The following GPHN variants were observed in gnomAD, a reference collection of about 807,000 sequenced individuals.
GPHN encodes the protein gephyrin.
Under a neutral mutation model 95.5 loss-of-function variants are expected in GPHN, and 17 were observed. The ratio of observed to expected loss-of-function variants is 0.18; its 90% CI spans 0.12 to 0.27. GPHN has a LOEUF of 0.27. GPHN is among the 10% of genes least tolerant of loss of function. The pLI is 1.00. For missense variants in GPHN, 660 were observed against 978.1 expected, an observed-to-expected ratio of 0.67 and a Z score of 4.34; for synonymous variants, 320 against 322.5, an observed-to-expected ratio of 0.99 and a Z score of 0.08.
chr14:67,102,021 GC>G (rs2077730352), intron 13 of GPHN, among the ~76,000 whole-genome samples: 1 of 151,870 alleles, frequency 6.6e-6, no homozygotes, highest in South Asian at 2.1e-4. Flanking sequence ...ACAGGCACCC[GC>G]CACCACGCCC....
chr14:67,277,268 A>C, the GPHN span, among the ~76,000 whole-genome samples: 1 of 150,914 alleles, frequency 6.6e-6, no homozygotes, highest in Non-Finnish European at 1.5e-5. Flanking sequence ...GAAAGAAGTC[A>C]AAATTTGGAT....
intron 2 of GPHN, among the ~76,000 whole-genome samples, chr14:66,713,893 C>A (rs1690189716): frequency 2.0e-5 from 3 of 152,128 alleles, no homozygotes; most frequent in African/African-American, 7.2e-5. Context: ...CTCCTCCTCC[C>A]AAGTAGCTGG....
the GPHN span, among the ~76,000 whole-genome samples, chr14:67,421,866 G>A: frequency 1.3e-5 from 2 of 152,244 alleles, no homozygotes; most frequent in South Asian, 4.1e-4. Flanking sequence ...CTGTTAGGCT[G>A]TCCATCTCCC....
the GPHN span, among the ~76,000 whole-genome samples, chr14:67,531,589 G>A: frequency 1.3e-5 from 2 of 151,790 alleles, no homozygotes; most frequent in Non-Finnish European, 2.9e-5. Flanking sequence ...TCCATGGTGC[G>A]TCTCTTTTCA....
chr14:67,674,351 C>G, the GPHN span: 13 of 1,564,250 alleles, frequency 8.3e-6, no homozygotes, highest in South Asian at 1.5e-4. Flanking sequence ...GCGCTCCCCA[C>G]GGCGTGGCCC....
intron 21 of GPHN, among the ~76,000 whole-genome samples, chr14:67,174,909 C>G (rs2082836325): frequency 6.6e-6 from 1 of 152,124 alleles, no homozygotes; most frequent in African/African-American, 2.4e-5. Flanking sequence ...ATATCCTTTG[C>G]CCACTTTTTG....
At chr14:67,506,919 G>T in the GPHN span, among the ~76,000 whole-genome samples, 13 of 152,202 alleles carry the variant, frequency 8.5e-5, no homozygotes, top group Non-Finnish European at 1.5e-5. Flanking sequence ...AGGAGGCAAA[G>T]GTTGCAGTGA....
At chr14:67,726,563 G>C in the GPHN span, among the ~76,000 whole-genome samples, 2 of 152,178 alleles carry the variant, frequency 1.3e-5, no homozygotes, top group African/African-American at 4.8e-5. Flanking sequence ...TACGAGGCAG[G>C]GTGGGGTTCA....
the GPHN span, among the ~76,000 whole-genome samples, chr14:67,203,899 A>G: frequency 1.3e-5 from 2 of 152,168 alleles, no homozygotes; most frequent in Non-Finnish European, 2.9e-5. Context: ...TTCAGTAGAG[A>G]CAGAGTTTCA....
chr14:67,493,566 C>T, the GPHN span, among the ~76,000 whole-genome samples: 129 of 152,286 alleles, frequency 8.5e-4, no homozygotes, highest in African/African-American at 3.0e-3. Flanking sequence ...GTGCTGGTTT[C>T]ACTTTGCGAC....
intron 1 of GPHN, among the ~76,000 whole-genome samples, chr14:66,517,202 A>G (rs796579560): frequency 2.6e-5 from 4 of 151,906 alleles, no homozygotes; most frequent in Non-Finnish European, 4.4e-5. Flanking sequence ...AAAAAGATGA[A>G]GGAACATTTA....
intron 2 of GPHN, among the ~76,000 whole-genome samples, chr14:66,746,665 G>GT (rs1222139429): frequency 3.9e-5 from 6 of 151,908 alleles, no homozygotes; most frequent in East Asian, 1.9e-4. Flanking sequence ...CCTTGGGGCT[G>GT]TTTTTTTTGT....
chr14:66,964,137 A>T lies in GPHN; in HGVS notation c.829-1054A>T, dbSNP rs551561213. 3.3e-4 allele frequency among the ~76,000 whole-genome samples: 51 copies of T among 152,258 alleles called. 2 individuals carry two copies. The highest frequency in any genetic ancestry group is 1.2e-3 in the African/African-American group (49 of 41,522). ...ATCAACATATATTAATAATGTTAAA[A>T]ATAATCTACAGTATTAGTCTTTATG... is the stretch of plus-strand genomic sequence containing the variant. On this transcript the variant is annotated intron_variant, in intron 8 of 22. Coordinates refer to ENST00000478722, the MANE Select transcript of GPHN (RefSeq NM_020806.5).
chr14:66,942,294 G>T (rs556244412), intron 8 of GPHN, among the ~76,000 whole-genome samples: 2 of 152,310 alleles, frequency 1.3e-5, no homozygotes, highest in East Asian at 3.9e-4. Context: ...TTACAGGCGT[G>T]AGCCACCACG....
At chr14:66,981,582 C>A (rs2070678608) in intron 9 of GPHN, among the ~76,000 whole-genome samples, 1 of 151,998 alleles carries the variant, frequency 6.6e-6, no homozygotes, top group African/African-American at 2.4e-5. Context: ...AGTTTTATTT[C>A]TTTTCATTGA....
chr14:67,055,448 C>T (rs113103616), intron 10 of GPHN, among the ~76,000 whole-genome samples: 3,562 of 152,280 alleles, frequency 0.023, 50 homozygotes, highest in Middle Eastern at 0.034. Context: ...GAAATGGGAA[C>T]TCTTTTACAC....
intron 11 of GPHN, among the ~76,000 whole-genome samples, chr14:67,063,269 C>T (rs1242275804): frequency 6.6e-6 from 1 of 152,140 alleles, no homozygotes; most frequent in African/African-American, 2.4e-5. Flanking sequence ...TCTGAGGCCT[C>T]TGTTCTGTTC....
At chr14:67,253,828 G>C in the GPHN span, among the ~76,000 whole-genome samples, 1 of 149,612 alleles carries the variant, frequency 6.7e-6, no homozygotes, top group African/African-American at 2.5e-5. Flanking sequence ...GCAACAGTGA[G>C]ACCCTGTCTC....
chr14:66,797,009 G>GGTATCTA (rs1167542278), intron 3 of GPHN, among the ~76,000 whole-genome samples: 3 of 134,190 alleles, frequency 2.2e-5, no homozygotes, highest in Non-Finnish European at 5.0e-5. Flanking sequence ...GTGAGACATA[G>GGTATCTA]GTATCTAGTT....
Sources: gnomAD v4.1 joint callset for allele counts (sites outside exome capture counted in the v4.1 genomes callset) on GRCh38, gnomAD v4.1.1 for gene constraint, MANE v1.5 for transcripts, NCBI Gene and HGNC (gene_info 2026-07-23, HGNC 2026-07-21) for gene names.